Variants in ULK4 observed in about 807,000 individuals in gnomAD.
ULK4 encodes the protein unc-51 like kinase 4, also known as inactive serine/threonine-protein kinase ULK4.
In ULK4, 133 loss-of-function variants were observed where a neutral mutation model predicts 160.6. The ratio of observed to expected loss-of-function variants is 0.83; its 90% CI spans 0.72 to 0.96. ULK4 has a LOEUF of 0.96. Ranked by LOEUF, ULK4 falls within the 40% of genes least tolerant of loss-of-function variation. The pLI is 0.00. For missense variants in ULK4, 1,580 were observed against 1,499.5 expected, an observed-to-expected ratio of 1.05 and a Z score of -0.89; for synonymous variants, 534 against 539.8, an observed-to-expected ratio of 0.99 and a Z score of 0.15.
intron 30 of ULK4, among the ~76,000 whole-genome samples, chr3:41,657,814 T>C (rs2034995317): frequency 2.9e-5 from 1 of 34,130 alleles, no homozygotes. Context: ...AGACTCCATC[T>C]CATTAAAAAA....
intron 32 of ULK4, among the ~76,000 whole-genome samples, chr3:41,508,293 G>A (rs551821899): frequency 1.3e-5 from 2 of 152,174 alleles, no homozygotes; most frequent in Admixed American, 6.5e-5. Flanking sequence ...CCTGCCCAAG[G>A]AGAGTCTGAG....
At chr3:41,292,684 A>G (rs1343904345) in intron 35 of ULK4, among the ~76,000 whole-genome samples, 2 of 152,102 alleles carry the variant, frequency 1.3e-5, no homozygotes, top group East Asian at 3.9e-4. Context: ...GGTGGCTCAC[A>G]CCTGTAATCC....
intron 32 of ULK4, among the ~76,000 whole-genome samples, chr3:41,516,413 C>T (rs1268069307): frequency 1.3e-5 from 2 of 152,150 alleles, no homozygotes; most frequent in African/African-American, 4.8e-5. Flanking sequence ...AAACACAAGT[C>T]ACAGGCTAGG....
chr3:41,651,481 A>G (rs1427312367), intron 30 of ULK4, among the ~76,000 whole-genome samples: 1 of 152,204 alleles, frequency 6.6e-6, no homozygotes, highest in Non-Finnish European at 1.5e-5. Flanking sequence ...CCATCCAATC[A>G]TAAGCTCCAT....
intron 17 of ULK4, among the ~76,000 whole-genome samples, chr3:41,844,209 T>C (rs1243933912): frequency 6.6e-6 from 1 of 151,966 alleles, no homozygotes; most frequent in South Asian, 2.1e-4. Flanking sequence ...CTGGGCAGCA[T>C]GGAGCAGGGG....
intron 30 of ULK4, among the ~76,000 whole-genome samples, chr3:41,648,758 C>T (rs1401651307): frequency 6.6e-6 from 1 of 152,132 alleles, no homozygotes; most frequent in Non-Finnish European, 1.5e-5. Context: ...GTAAGAACAT[C>T]AATCTAGCAG....
chr3:41,833,150 C>A (rs2041646458), intron 18 of ULK4, among the ~76,000 whole-genome samples: 1 of 152,150 alleles, frequency 6.6e-6, no homozygotes, highest in African/African-American at 2.4e-5. Context: ...AATATTGATT[C>A]TTCCTATCCA....
At chr3:41,455,296 T>A (rs1264285457) in intron 34 of ULK4, among the ~76,000 whole-genome samples, 1 of 152,204 alleles carries the variant, frequency 6.6e-6, no homozygotes, top group East Asian at 1.9e-4. Flanking sequence ...CTTACCTAAA[T>A]ATCTATTTAA....
At chr3:41,827,634 A>G (rs148351986) in intron 18 of ULK4, among the ~76,000 whole-genome samples, 27,609 of 151,888 alleles carry the variant, frequency 0.18, 2,585 homozygotes, top group Middle Eastern at 0.31. Flanking sequence ...CAATAACAGG[A>G]TCTGAAATTG....
chr3:41,400,041 T>C (rs918450099), intron 34 of ULK4, among the ~76,000 whole-genome samples: 2 of 152,138 alleles, frequency 1.3e-5, no homozygotes, highest in African/African-American at 4.8e-5. Flanking sequence ...TAAACTTTTA[T>C]TTTGAGATAT....
chr3:41,646,374 T>G (rs936477201), intron 30 of ULK4, among the ~76,000 whole-genome samples: 2 of 152,206 alleles, frequency 1.3e-5, no homozygotes, highest in African/African-American at 2.4e-5. Context: ...AGGAGCTCTT[T>G]TAGGGCAGGC....
At chr3:41,652,764 T>C (rs573825692) in intron 30 of ULK4, among the ~76,000 whole-genome samples, 1 of 152,346 alleles carries the variant, frequency 6.6e-6, no homozygotes, top group South Asian at 2.1e-4. Context: ...ACTGTTCTTA[T>C]AAGTGTGACA....
At chr3:41,564,300 CT>C (rs755295274) in intron 32 of ULK4, among the ~76,000 whole-genome samples, 8 of 152,026 alleles carry the variant, frequency 5.3e-5, no homozygotes, top group Non-Finnish European at 1.2e-4. Flanking sequence ...CTGTCGGCCC[CT>C]TCTGGGAGGT....
At chr3:41,772,582 C>G (rs1455816747) in intron 21 of ULK4, among the ~76,000 whole-genome samples, 4 of 152,116 alleles carry the variant, frequency 2.6e-5, no homozygotes, top group African/African-American at 9.7e-5. Context: ...TAATTAATAG[C>G]TTATCAACCA....
At chr3:41,353,477 C>A (rs1166875936) in intron 35 of ULK4, among the ~76,000 whole-genome samples, 1 of 151,828 alleles carries the variant, frequency 6.6e-6, no homozygotes, top group Non-Finnish European at 1.5e-5. Flanking sequence ...CCACCCTGGG[C>A]AACATAGCGA....
chr3:41,400,935 G>A (rs4973945), intron 34 of ULK4, among the ~76,000 whole-genome samples: 18,778 of 152,128 alleles, frequency 0.12, 1,327 homozygotes, highest in Admixed American at 0.17. Context: ...AATGGCAACT[G>A]ATAGTGAACA....
chr3:41,447,420 C>T (rs2083325541), intron 34 of ULK4, among the ~76,000 whole-genome samples: 1 of 152,030 alleles, frequency 6.6e-6, no homozygotes, highest in South Asian at 2.1e-4. Context: ...TGTTTTTTTA[C>T]TCAACCTAGA....
chr3:41,505,297 A>C (rs2085338540), intron 32 of ULK4, among the ~76,000 whole-genome samples: 5 of 152,100 alleles, frequency 3.3e-5, no homozygotes, highest in Admixed American at 3.3e-4. Flanking sequence ...CCCTCCCTGA[A>C]AATCATTACT....
chr3:41,566,544 C>A (rs1315725117), intron 31 of ULK4, among the ~76,000 whole-genome samples: 1 of 152,198 alleles, frequency 6.6e-6, no homozygotes, highest in Non-Finnish European at 1.5e-5. Context: ...ATTTTTCCCA[C>A]TTTAGTACAT....
Sources: gnomAD v4.1 joint callset for allele counts (sites outside exome capture counted in the v4.1 genomes callset) on GRCh38, gnomAD v4.1.1 for gene constraint, MANE v1.5 for transcripts, NCBI Gene and HGNC (gene_info 2026-07-23, HGNC 2026-07-21) for gene names.